The following CAB39L variants were observed in gnomAD, a reference collection of about 807,000 sequenced individuals.
CAB39L encodes calcium binding protein 39 like.
In CAB39L, 23 loss-of-function variants were observed where a neutral mutation model predicts 39.1. That is an observed-to-expected ratio of 0.59 (90% CI 0.42 to 0.83). The LOEUF is 0.83. CAB39L is among the 40% of genes least tolerant of loss of function. CAB39L has a pLI of 0.00. For synonymous variants in CAB39L, 126 were observed against 137.2 expected (o/e 0.92, Z 0.57); for missense variants, 366 against 391.9 (o/e 0.93, Z 0.56).
At chr13:49,400,350 TA>T (rs1228561670) in intron 3 of CAB39L, among the ~76,000 whole-genome samples, 1 of 152,024 alleles carries the variant, frequency 6.6e-6, no homozygotes, top group Non-Finnish European at 1.5e-5. Flanking sequence ...TACACTCTCC[TA>T]TTTTAAGATT....
intron 10 of CAB39L, among the ~76,000 whole-genome samples, chr13:49,315,336 G>A (rs955799330): frequency 2.0e-5 from 3 of 152,086 alleles, no homozygotes; most frequent in Admixed American, 6.6e-5. Context: ...CCATAACAGA[G>A]AAGGAAAAGG....
chr13:49,407,563 A>T (rs1236569493), intron 3 of CAB39L, among the ~76,000 whole-genome samples: 1 of 152,202 alleles, frequency 6.6e-6, no homozygotes, highest in African/African-American at 2.4e-5. Flanking sequence ...AGACTCTAAC[A>T]TGTAAAATAC....
At chr13:49,377,834 CCCCTCTGCCTGGCT>C (rs1956122382) in intron 4 of CAB39L, among the ~76,000 whole-genome samples, 1 of 93,194 alleles carries the variant, frequency 1.1e-5, no homozygotes, top group African/African-American at 6.0e-5. Flanking sequence ...ATGTGAGGAG[CCCCTCTGCCTGGCT>C]GCCCAGTCTG....
intron 3 of CAB39L, among the ~76,000 whole-genome samples, chr13:49,389,912 T>G (rs1195245033): frequency 6.6e-6 from 1 of 152,154 alleles, no homozygotes; most frequent in Non-Finnish European, 1.5e-5. Context: ...AGTCTTGACC[T>G]GTTGGGTTCA....
chr13:49,390,127 T>A (rs891998911), intron 3 of CAB39L, among the ~76,000 whole-genome samples: 1 of 152,184 alleles, frequency 6.6e-6, no homozygotes, highest in South Asian at 2.1e-4. Flanking sequence ...GTTTAAATGA[T>A]CCTCTCACCT....
At position 49,315,540 on chromosome 13, in the gene CAB39L, C is replaced by A. The variant is rs75536891; in HGVS notation, c.835-4547G>T. ...AAAATATATCAAAACTCATAAGATG[C>A]ACCAAAAGCAGTGCTCAGGGGGAAA... On this transcript the variant is annotated intron_variant, in intron 10 of 10. Coordinates refer to ENST00000409308, the MANE Select transcript of CAB39L (RefSeq NM_001079670.3). 2.9e-3 allele frequency among the ~76,000 whole-genome samples: 441 copies of A among 152,142 alleles called. 9 individuals are homozygous for A. The East Asian group carries it at 0.047, about 16-fold the overall frequency.
At position 49,310,014 on chromosome 13, in the gene CAB39L, T is replaced by C. The variant is rs1953941005; in HGVS notation, c.*800A>G. 6.6e-6 allele frequency: 1 copy of C among 152,344 alleles called. No homozygotes were observed. The highest frequency in any genetic ancestry group is 2.4e-5 in the African/African-American group (1 of 41,454). The allele number at this position is 152,344 out of a possible 1,614,324, so 9.4% of individuals were successfully genotyped here. On this transcript the variant is annotated 3_prime_UTR_variant, in exon 11 of 11. Transcript: ENST00000409308. ...ACCCATGACCATTATGAAGGAAATA[T>C]TCTGTCCCTCACTCACCCTCTGGAA...
rs952532457 is a variant in CAB39L at position 49,393,687 on chromosome 13, TA to T, written c.-31-10747del. 2.3e-4 allele frequency among the ~76,000 whole-genome samples: 35 copies of T among 151,752 alleles called. No homozygotes were observed. In the South Asian group the frequency reaches 3.3e-3, roughly 14 times the overall value. The stretch of plus-strand genomic sequence containing the variant: ...AATTAAGATAGGAAAGATTTGAGGT[TA>T]AAAAAAACACTCTATTTTGTTCTTG... On this transcript the variant is annotated intron_variant, in intron 3 of 10. Transcript: ENST00000409308.
At chr13:49,443,905 C>T (rs925438806) in intron 1 of CAB39L, 81 bp downstream of exon 1, 1 of 456,650 alleles carries the variant, frequency 2.2e-6, no homozygotes, top group African/African-American at 2.0e-5. Flanking sequence ...GACCCCTCCA[C>T]TACGGCCAGG....
intron 6 of CAB39L, among the ~76,000 whole-genome samples, chr13:49,354,424 T>C (rs1955434451): frequency 6.6e-6 from 1 of 152,252 alleles, no homozygotes. Flanking sequence ...TATTGCTTAC[T>C]ATTTAAAGAA....
At chr13:49,359,856 T>C (rs1955585103) in intron 5 of CAB39L, 24 bp from the exon 6 acceptor site, 3 of 1,265,030 alleles carry the variant, frequency 2.4e-6, no homozygotes, top group Non-Finnish European at 3.5e-6. Flanking sequence ...AAACAGAAAT[T>C]AAATTGTACA....
chr13:49,332,932 T>G (rs1254405760), intron 9 of CAB39L, among the ~76,000 whole-genome samples: 1 of 152,008 alleles, frequency 6.6e-6, no homozygotes, highest in African/African-American at 2.4e-5. Flanking sequence ...TACTGGACTT[T>G]TTCTGAAGGC....
intron 5 of CAB39L, among the ~76,000 whole-genome samples, chr13:49,361,998 T>C (rs928329755): frequency 2.0e-5 from 3 of 152,116 alleles, no homozygotes; most frequent in Non-Finnish European, 2.9e-5. Flanking sequence ...TTAAATTTCA[T>C]ATTCTTTTTG....
chr13:49,405,742 GAA>G (rs2138669160), intron 3 of CAB39L, among the ~76,000 whole-genome samples: 1 of 131,226 alleles, frequency 7.6e-6, no homozygotes, highest in African/African-American at 2.7e-5. Flanking sequence ...AGGAAGGAAG[GAA>G]GGAAGGGAGG....
intron 1 of CAB39L, among the ~76,000 whole-genome samples, chr13:49,443,254 T>C (rs1957575950): frequency 6.6e-6 from 1 of 151,520 alleles, no homozygotes; most frequent in African/African-American, 2.4e-5. Flanking sequence ...CTTCAACATA[T>C]CGTTATCGGG....
intron 1 of CAB39L, among the ~76,000 whole-genome samples, chr13:49,440,673 T>C (rs1240421598): frequency 6.6e-6 from 1 of 151,736 alleles, no homozygotes; most frequent in Non-Finnish European, 1.5e-5. Context: ...TTGTAGTTCT[T>C]GTAGAGATCT....
chr13:49,426,227 C>T (rs1330885242), intron 3 of CAB39L, among the ~76,000 whole-genome samples: 2 of 152,136 alleles, frequency 1.3e-5, no homozygotes, highest in Non-Finnish European at 2.9e-5. Context: ...GTCAGTCACA[C>T]CATTAGTCTT....
chr13:49,393,139 A>C (rs1956526290), intron 3 of CAB39L: 1 of 152,168 alleles, frequency 6.6e-6, no homozygotes, highest in Non-Finnish European at 1.5e-5. Context: ...CAAAATTGTA[A>C]TTAACAGACA....
intron 10 of CAB39L, among the ~76,000 whole-genome samples, chr13:49,322,652 T>G (rs1327254471): frequency 6.6e-6 from 1 of 152,224 alleles, no homozygotes; most frequent in Non-Finnish European, 1.5e-5. Flanking sequence ...GAATTCATAC[T>G]TCTAATATAC....
Sources: gnomAD v4.1 joint callset for allele counts (sites outside exome capture counted in the v4.1 genomes callset) on GRCh38, gnomAD v4.1.1 for gene constraint, MANE v1.5 for transcripts, NCBI Gene and HGNC (gene_info 2026-07-23, HGNC 2026-07-21) for gene names.